ARHGEF18: variants seen among roughly 807,000 people sequenced by gnomAD.
ARHGEF18 encodes Rho/Rac guanine nucleotide exchange factor 18, also known as rho guanine nucleotide exchange factor 18.
A neutral mutation model predicts 155.7 loss-of-function variants in ARHGEF18; 93 were observed. The ratio of observed to expected loss-of-function variants is 0.60; its 90% CI spans 0.50 to 0.71. The LOEUF (loss-of-function observed/expected upper bound fraction) is 0.71. Among genes scored for constraint, ARHGEF18 ranks in the 30% least tolerant of loss-of-function variants. The pLI is 0.00. For missense variants in ARHGEF18, 1,593 were observed against 1,816.1 expected (o/e 0.88, Z 2.23); for synonymous variants, 742 against 753.1 (o/e 0.99, Z 0.24).
At chr19:7,430,777 C>G (rs2145721903) in intron 10 of ARHGEF18, among the ~76,000 whole-genome samples, 1 of 152,216 alleles carries the variant, frequency 6.6e-6, no homozygotes, top group East Asian at 1.9e-4. Context: ...TGTACTCCAG[C>G]CTGGGTGACA....
chr19:7,427,325 G>C (rs1373620904), intron 10 of ARHGEF18, among the ~76,000 whole-genome samples: 2 of 152,132 alleles, frequency 1.3e-5, no homozygotes. Flanking sequence ...GGCTTCATGT[G>C]TCCAGGCATT....
intron 14 of ARHGEF18, 149 bp from the exon 15 acceptor site, chr19:7,446,894 T>TAAAA (rs1975027844): frequency 1.1e-6 from 1 of 870,598 alleles, no homozygotes; most frequent in African/African-American, 2.6e-5. Flanking sequence ...AGATGCTGTC[T>TAAAA]CAAAAAAAAA....
intron 10 of ARHGEF18, among the ~76,000 whole-genome samples, chr19:7,384,853 G>C (rs1251738895): frequency 6.6e-6 from 1 of 151,852 alleles, no homozygotes; most frequent in Non-Finnish European, 1.5e-5. Context: ...CACCATGCTT[G>C]GCTAAGTTAT....
intron 10 of ARHGEF18, among the ~76,000 whole-genome samples, chr19:7,400,663 A>G (rs1036884331): frequency 1.3e-5 from 2 of 152,102 alleles, no homozygotes; most frequent in Admixed American, 1.3e-4. Flanking sequence ...CAAGAATCCT[A>G]TCTCTACAAA....
chr19:7,439,494 T>C (rs1236583996), intron 10 of ARHGEF18, among the ~76,000 whole-genome samples: 1 of 151,874 alleles, frequency 6.6e-6, no homozygotes, highest in South Asian at 2.1e-4. Context: ...TTTCCATGAG[T>C]AGGTGAGCTT....
chr19:7,369,847 C>T (rs913006398), intron 2 of ARHGEF18, among the ~76,000 whole-genome samples: 12 of 151,914 alleles, frequency 7.9e-5, no homozygotes, highest in African/African-American at 2.9e-4. Context: ...AATTGCCATG[C>T]AATTGTGCCA....
At chr19:7,446,914 A>AT in intron 14 of ARHGEF18, 129 bp from the exon 15 acceptor site, 6 of 1,180,934 alleles carry the variant, frequency 5.1e-6, no homozygotes, top group Non-Finnish European at 5.7e-6. Flanking sequence ...AAAAAAAAGA[A>AT]GAAGAAAGAA....
At chr19:7,476,198 C>G (rs1599199168), downstream of ARHGEF18, among the ~76,000 whole-genome samples, 1 of 152,324 alleles carries the variant, frequency 6.6e-6, no homozygotes, top group East Asian at 1.9e-4. Flanking sequence ...GTAGTTCCTG[C>G]TATTCAGGAG....
At chr19:7,439,552 C>A in intron 10 of ARHGEF18, 1 of 370,138 alleles carries the variant, frequency 2.7e-6, no homozygotes. Context: ...AATTAATGAA[C>A]AGATGGGTGT....
At chr19:7,446,907 A>T in intron 14 of ARHGEF18, 136 bp from the exon 15 acceptor site, 1 of 1,195,576 alleles carries the variant, frequency 8.4e-7, no homozygotes, top group Non-Finnish European at 1.1e-6. Flanking sequence ...AAAAAAAAAA[A>T]AAAAGAAGAA....
chr19:7,375,356 A>C (rs1970401854), intron 3 of ARHGEF18, among the ~76,000 whole-genome samples: 1 of 118,562 alleles, frequency 8.4e-6, no homozygotes, highest in Non-Finnish European at 1.5e-5. Flanking sequence ...AAGAAAGAAA[A>C]GGAAGGAAGG....
In ARHGEF18 at chr19:7,468,917, C is replaced by A. The variant is rs755789641; in HGVS notation, c.3573C>A (p.Tyr1191Ter). Residue 1191 changes from tyrosine to a stop codon, truncating the protein, a stop_gained, in exon 27 of 29, where the codon TAC becomes TAA. Coordinates refer to ENST00000668164, the MANE Select transcript of ARHGEF18 (RefSeq NM_001367823.1). LOFTEE classifies it high-confidence loss of function. ...TGCCATCCGGCGTGGGGCCAGAGTA[C>A]GCAGAGCGCCCCGAGGTGGCTCGCC... ...SMLPSGVGPE[Y>*]AERPEVARRD... is the part of the protein sequence containing the mutation. 6.3e-7 allele frequency: 1 copy of A among 1,575,588 alleles called. No homozygotes were observed. Among genetic ancestry groups the A allele is most frequent in the Admixed American group, 1.8e-5 (1 of 54,778 alleles).
intron 10 of ARHGEF18, among the ~76,000 whole-genome samples, chr19:7,411,458 C>T (rs1258668509): frequency 6.6e-6 from 1 of 152,014 alleles, no homozygotes; most frequent in Non-Finnish European, 1.5e-5. Flanking sequence ...AGGTGCACAC[C>T]ACCATGTCCA....
Position 7,467,852 on chromosome 19 carries a change from T to C in ARHGEF18, c.3480+168T>C, listed in dbSNP as rs1328414842. Among the ~76,000 whole-genome samples, 3 of 152,232 alleles carry C rather than the reference T, an allele frequency of 2.0e-5. No homozygotes were observed. The East Asian group carries it at 5.8e-4, about 29-fold the overall frequency. On this transcript the variant is annotated intron_variant, in intron 26 of 28. Transcript: ENST00000668164. ...ACAGCTCATGCCGCAGTACAGACCT[T>C]TCTCGGAGCTGGCTAAATGCTTAAC...
At chr19:7,431,679 C>G (rs1051366619) in intron 10 of ARHGEF18, among the ~76,000 whole-genome samples, 6 of 151,890 alleles carry the variant, frequency 4.0e-5, no homozygotes, top group African/African-American at 1.5e-4. Context: ...GCGGGCGTGG[C>G]GGCGCATGCC....
Position 7,381,415 on chromosome 19 carries a change from C to T in ARHGEF18, c.722+421C>T, listed in dbSNP as rs150258586. On this transcript the variant is annotated intron_variant, in intron 8 of 28. Transcript: ENST00000668164. ...AGTGGGGCTTGGGTGCGGTGGCTCA[C>T]GCCTATAATCCCAGCACTTTGGGAG... 1.8e-3 allele frequency among the ~76,000 whole-genome samples: 272 copies of T among 152,188 alleles called. 5 individuals are homozygous for T. In the East Asian group the frequency reaches 0.044, roughly 25 times the overall value.
At chr19:7,453,790 C>G (rs1248350557) in intron 17 of ARHGEF18, 75 bp downstream of exon 17, 3 of 1,474,776 alleles carry the variant, frequency 2.0e-6, no homozygotes, top group East Asian at 4.6e-5. Context: ...GTGGTGGGCA[C>G]TGTCTTAGAT....
At chr19:7,413,913 T>TGGGAAGTTAAATTTGTA (rs1972842132) in intron 10 of ARHGEF18, among the ~76,000 whole-genome samples, 1 of 152,118 alleles carries the variant, frequency 6.6e-6, no homozygotes, top group African/African-American at 2.4e-5. Flanking sequence ...TCATTTAACT[T>TGGGAAGTTAAATTTGTA]GTAATTTGGG....
At chr19:7,469,663 AC>A in intron 27 of ARHGEF18, among the ~76,000 whole-genome samples, 1 of 152,084 alleles carries the variant, frequency 6.6e-6, no homozygotes, top group African/African-American at 2.4e-5. Context: ...TGCTATTTCC[AC>A]AGGAGGCTCA....
Sources: allele counts gnomAD v4.1 joint callset (sites outside exome capture counted in the v4.1 genomes callset), GRCh38; gene constraint gnomAD v4.1.1; transcripts MANE v1.5; gene names NCBI Gene and HGNC (gene_info 2026-07-23, HGNC 2026-07-21).